CHRDL1: variants seen among roughly 807,000 people sequenced by gnomAD.
CHRDL1 encodes chordin-like protein 1.
CHRDL1 carries 19 observed loss-of-function variants against 40.9 expected under a neutral mutation model. The ratio of observed to expected loss-of-function variants is 0.46; its 90% CI spans 0.32 to 0.68. The LOEUF (loss-of-function observed/expected upper bound fraction) is 0.68, where lower values mean the gene tolerates loss of function less well. CHRDL1 is among the 30% of genes least tolerant of loss of function. CHRDL1 has a pLI of 0.03. For missense variants in CHRDL1, 329 were observed against 352.1 expected (o/e 0.93, Z 0.53); for synonymous variants, 136 against 123.4 (o/e 1.10, Z -0.68).
intron 5 of CHRDL1, 56 bp downstream of exon 5, chrX:110,721,329 G>C (rs1055159932): frequency 1.9e-6 from 2 of 1,080,054 alleles, no homozygotes; most frequent in Admixed American, 2.2e-5. Context: ...CAAGTACAGA[G>C]GAAGCTCTTG....
chrX:110,680,760 A>C (rs1241753492), intron 10 of CHRDL1, among the ~76,000 whole-genome samples: 1 of 112,042 alleles, frequency 8.9e-6, no homozygotes, highest in African/African-American at 3.3e-5. Flanking sequence ...ACCACACTAA[A>C]TAAGCACTAG....
chrX:110,753,337 G>A (rs757785582), intron 4 of CHRDL1, among the ~76,000 whole-genome samples: 105 of 112,212 alleles, frequency 9.4e-4, no homozygotes, highest in African/African-American at 3.2e-3. Context: ...CCACTTATGT[G>A]AAATGTCCAG....
chrX:110,793,873 T>C (rs2090141130), intron 1 of CHRDL1, among the ~76,000 whole-genome samples: 3 of 112,202 alleles, frequency 2.7e-5, no homozygotes, highest in African/African-American at 3.2e-5. Flanking sequence ...AAACAGCTCA[T>C]AGATTTTTTT....
rs1454081377 is a variant in CHRDL1 at position 110,689,685 on chromosome X, ATATATC to A, written c.779-888_779-883del. Among the ~76,000 whole-genome samples the A allele has an allele frequency of 4.8e-5, 2 of 41,592 alleles. 1 individual carries two copies. The highest frequency in any genetic ancestry group is 7.0e-5 in the Non-Finnish European group (2 of 28,692). 36.1% of individuals were successfully genotyped at this position (41,592 alleles called of 115,157 possible). On this transcript the variant is annotated intron_variant, in intron 8 of 11. Coordinates refer to ENST00000372042, the MANE Select transcript of CHRDL1 (RefSeq NM_001143981.2). ...TATATATCTATATATCTATATATCTATATATCTATATATCTATATATCTATATATAT... is the reference window on the plus strand; with the variant it reads ...TATATATCTATATATCTATATATCTATATATATCTATATATCTATATATAT...
chrX:110,677,490 A>G (rs2069803518), intron 11 of CHRDL1, among the ~76,000 whole-genome samples: 1 of 111,232 alleles, frequency 9.0e-6, no homozygotes, highest in Non-Finnish European at 1.9e-5. Context: ...ATATACCCCA[A>G]ATCCTGCCAT....
chrX:110,684,193 G>C (rs192312635), intron 9 of CHRDL1, among the ~76,000 whole-genome samples: 46 of 112,394 alleles, frequency 4.1e-4, no homozygotes, highest in Admixed American at 1.4e-3. Flanking sequence ...AAAGGGAAGA[G>C]AGAGATGAAA....
At chrX:110,743,268 C>T (rs2071392779) in intron 4 of CHRDL1, among the ~76,000 whole-genome samples, 1 of 112,557 alleles carries the variant, frequency 8.9e-6, no homozygotes, top group African/African-American at 3.2e-5. Context: ...TAGGCTTGTG[C>T]TCATGATGGC....
intron 4 of CHRDL1, among the ~76,000 whole-genome samples, chrX:110,742,161 G>T (rs993759584): frequency 5.4e-5 from 6 of 112,139 alleles, no homozygotes; most frequent in African/African-American, 1.9e-4. Context: ...GTAAGATATG[G>T]CCCTAGACTC....
intron 2 of CHRDL1, among the ~76,000 whole-genome samples, chrX:110,773,577 A>C (rs1243230270): frequency 9.1e-6 from 1 of 109,326 alleles, no homozygotes; most frequent in East Asian, 2.9e-4. Context: ...AAACACAAAA[A>C]ATTAGCTGGG....
At chrX:110,727,227 C>T (rs1035877711) in intron 4 of CHRDL1, among the ~76,000 whole-genome samples, 1 of 111,587 alleles carries the variant, frequency 9.0e-6, no homozygotes, top group Non-Finnish European at 1.9e-5. Flanking sequence ...GAAACTGGAA[C>T]CACAGGCCAA....
intron 7 of CHRDL1, among the ~76,000 whole-genome samples, chrX:110,698,178 T>C (rs943567348): frequency 2.1e-4 from 23 of 111,500 alleles, no homozygotes; most frequent in African/African-American, 7.2e-4. Flanking sequence ...CTTTTCTTCT[T>C]GCCCTGAGGA....
intron 4 of CHRDL1, among the ~76,000 whole-genome samples, chrX:110,722,332 G>C (rs902611073): frequency 9.1e-6 from 1 of 110,475 alleles, no homozygotes; most frequent in Non-Finnish European, 1.9e-5. Flanking sequence ...GTGCTTATCT[G>C]TTTGTTCCAG....
At chrX:110,791,610 C>T in intron 2 of CHRDL1, among the ~76,000 whole-genome samples, 1 of 112,157 alleles carries the variant, frequency 8.9e-6, no homozygotes, top group Non-Finnish European at 1.9e-5. Flanking sequence ...CATCTGAGCC[C>T]AGTTCATAGG....
chrX:110,788,989 T>C (rs2090058141), intron 2 of CHRDL1, among the ~76,000 whole-genome samples: 2 of 111,272 alleles, frequency 1.8e-5, no homozygotes, highest in African/African-American at 6.5e-5. Context: ...CCAGAAGCCA[T>C]ACAGAAAATG....
At position 110,723,830 on chromosome X, in the gene CHRDL1, GT is replaced by G. The variant is rs777363803; in HGVS notation, c.302-2301del. Among the ~76,000 whole-genome samples, 8 of 112,619 alleles carry G rather than the reference GT, an allele frequency of 7.1e-5. No homozygotes were observed. In the South Asian group the frequency reaches 3.0e-3, roughly 42 times the overall value. On this transcript the variant is annotated intron_variant, in intron 4 of 11. Coordinates refer to ENST00000372042, the MANE Select transcript of CHRDL1 (RefSeq NM_001143981.2). ...AAGTCGATCTAACATCAATTTCTGA[GT>G]AATTCACTCTCAGGGTGTTAACTAC...
chrX:110,728,119 A>T lies in CHRDL1; in HGVS notation c.302-6589T>A, dbSNP rs961450043. ...TATGTAAATGAAAAAATATTTTTAAAATATATATATATATTCATATTTGCT... is the reference window on the plus strand; with the variant it reads ...TATGTAAATGAAAAAATATTTTTAATATATATATATATATTCATATTTGCT... On this transcript the variant is annotated intron_variant, in intron 4 of 11. Coordinates refer to ENST00000372042, the MANE Select transcript of CHRDL1 (RefSeq NM_001143981.2). Among the ~76,000 whole-genome samples the T allele has an allele frequency of 6.8e-4, 75 of 109,909 alleles. 1 individual carries two copies. The highest frequency in any genetic ancestry group is 1.3e-4 in the Non-Finnish European group (7 of 52,623).
intron 4 of CHRDL1, among the ~76,000 whole-genome samples, chrX:110,755,204 C>T (rs1459712338): frequency 9.0e-6 from 1 of 111,130 alleles, no homozygotes; most frequent in Admixed American, 9.6e-5. Flanking sequence ...AAGAATGTTC[C>T]AGCCTCCATG....
At chrX:110,785,004 T>C (rs1602425817) in intron 2 of CHRDL1, among the ~76,000 whole-genome samples, 1 of 112,094 alleles carries the variant, frequency 8.9e-6, no homozygotes, top group South Asian at 3.8e-4. Flanking sequence ...CCATGTCATA[T>C]GGCATAGAAC....
intron 6 of CHRDL1, among the ~76,000 whole-genome samples, chrX:110,704,949 C>A (rs897839804): frequency 9.0e-6 from 1 of 111,148 alleles, no homozygotes; most frequent in Non-Finnish European, 1.9e-5. Flanking sequence ...TTGGTATTGA[C>A]ATAAAATGTT....
Sources: gnomAD v4.1 joint callset for allele counts (sites outside exome capture counted in the v4.1 genomes callset) on GRCh38, gnomAD v4.1.1 for gene constraint, MANE v1.5 for transcripts, NCBI Gene and HGNC (gene_info 2026-07-23, HGNC 2026-07-21) for gene names.